The following KCNIP4 variants were observed in gnomAD, a reference collection of about 807,000 sequenced individuals.
The protein encoded by KCNIP4 is potassium voltage-gated channel interacting protein 4.
Under a neutral mutation model 34.0 loss-of-function variants are expected in KCNIP4, and 12 were observed. That is an observed-to-expected ratio of 0.35 (90% CI 0.23 to 0.57). The LOEUF (loss-of-function observed/expected upper bound fraction) is 0.57, where lower values mean the gene tolerates loss of function less well. KCNIP4 is among the 20% of genes least tolerant of loss of function. The pLI is 0.83. For synonymous variants in KCNIP4, 124 were observed against 102.2 expected, an observed-to-expected ratio of 1.21 and a Z score of -1.29; for missense variants, 238 against 311.7, an observed-to-expected ratio of 0.76 and a Z score of 1.78.
In KCNIP4 at chr4:20,862,565, A is replaced by G. The variant is rs78005197; in HGVS notation, c.164-11898T>C. ...ATGTGGAGAGAGATGAAGAAAGCCCAGATTAGTTCACTAAATTAAAAATGC... is the reference window on the plus strand; with the variant it reads ...ATGTGGAGAGAGATGAAGAAAGCCCGGATTAGTTCACTAAATTAAAAATGC... On this transcript the variant is annotated intron_variant, in intron 2 of 8. Transcript: ENST00000382152. 7.0e-3 allele frequency among the ~76,000 whole-genome samples: 1,061 copies of G among 152,292 alleles called. 13 individuals carry two copies. Among genetic ancestry groups the G allele is most frequent in the East Asian group, 0.062 (318 of 5,168 alleles).
intron 1 of KCNIP4, among the ~76,000 whole-genome samples, chr4:21,442,692 C>T (rs942615627): frequency 5.3e-5 from 8 of 152,078 alleles, no homozygotes; most frequent in African/African-American, 1.2e-4. Context: ...TACTTTTCTC[C>T]GCCTCTCAAC....
Position 21,589,265 on chromosome 4 carries a change from G to GTATAGATACATATATGTATCT in KCNIP4, c.61+359305_61+359306insAGATACATATATGTATCTATA, listed in dbSNP as rs1560540556. Among the ~76,000 whole-genome samples the GTATAGATACATATATGTATCT allele has an allele frequency of 1.7e-3, 191 of 113,410 alleles. 2 individuals are homozygous for GTATAGATACATATATGTATCT. Among genetic ancestry groups the GTATAGATACATATATGTATCT allele is most frequent in the African/African-American group, 7.1e-3 (180 of 25,490 alleles). The allele number at this position is 113,410 out of a possible 152,430, so 74.4% of individuals were successfully genotyped here. A position where few individuals can be genotyped will look rare whatever the true frequency, so the allele number is the denominator to read the frequency against. On this transcript the variant is annotated intron_variant, in intron 1 of 8. Transcript: ENST00000382152. ...ATATATACATATATGTATCTATACA[G>GTATAGATACATATATGTATCT]ATACATATATGTATAGATACATATA...
rs1466199128 is a variant in KCNIP4, at chr4:21,192,919, C to CAAA, written c.62-310211_62-310210insTTT. 2.0e-3 allele frequency among the ~76,000 whole-genome samples: 287 copies of CAAA among 143,582 alleles called. 4 individuals are homozygous for CAAA. Among genetic ancestry groups the CAAA allele is most frequent in the African/African-American group, 3.6e-3 (138 of 38,806 alleles). The allele number at this position is 143,582 out of a possible 152,430, so 94.2% of individuals were successfully genotyped here. A position where few individuals can be genotyped will look rare whatever the true frequency, so the allele number is the denominator to read the frequency against. On this transcript the variant is annotated intron_variant, in intron 1 of 8. Coordinates refer to ENST00000382152, the MANE Select transcript of KCNIP4 (RefSeq NM_025221.6). ...CCCCAGCCCTGCCGCCCCGTCTCTA[C>CAAA]TACTACTACTACTACTACTACTACT...
intron 3 of KCNIP4, among the ~76,000 whole-genome samples, chr4:20,803,470 C>CAAAAAAAAAAAAAAAAAAAA (rs551176038): frequency 2.3e-5 from 2 of 85,902 alleles, no homozygotes; most frequent in African/African-American, 5.2e-5. Context: ...TCATCTTTAC[C>CAAAAAAAAAAAAAAAAAAAA]AAAAAAAAAA....
chr4:21,599,281 T>C (rs1044638532), intron 1 of KCNIP4, among the ~76,000 whole-genome samples: 1 of 152,082 alleles, frequency 6.6e-6, no homozygotes, highest in Admixed American at 6.6e-5. Flanking sequence ...TTGATTCTGG[T>C]TACTTCCCTG....
chr4:21,010,468 C>T (rs1199933780), intron 1 of KCNIP4, among the ~76,000 whole-genome samples: 1 of 152,126 alleles, frequency 6.6e-6, no homozygotes, highest in Non-Finnish European at 1.5e-5. Context: ...TGCCTGCAGA[C>T]TTTGTGGCGT....
rs33926876 is a variant in KCNIP4, at chr4:21,025,473, T to TGAGAGAGAGAGA, written c.62-142776_62-142765dup. On this transcript the variant is annotated intron_variant, in intron 1 of 8. Coordinates refer to ENST00000382152, the MANE Select transcript of KCNIP4 (RefSeq NM_025221.6). ...TTATGGTGCATGTAGTGAAAACAACTGAGAGAGAGAGAGAGAGAGAGAGAG... is the reference window on the plus strand; with the variant it reads ...TTATGGTGCATGTAGTGAAAACAACTGAGAGAGAGAGAGAGAGAGAGAGAGAGAGAGAGAGAG... 8.3e-4 allele frequency among the ~76,000 whole-genome samples: 79 copies of TGAGAGAGAGAGA among 95,120 alleles called. No individual in the cohort carries two copies. In the South Asian group the frequency reaches 0.016, roughly 19 times the overall value. The allele number at this position is 95,120 out of a possible 152,430, so 62.4% of individuals were successfully genotyped here.
At chr4:21,886,691 A>T (rs1035424791) in intron 1 of KCNIP4, among the ~76,000 whole-genome samples, 1 of 152,148 alleles carries the variant, frequency 6.6e-6, no homozygotes, top group African/African-American at 2.4e-5. Context: ...GACATTTAAT[A>T]ACTTTAAATA....
chr4:21,707,398 A>G (rs188854998), intron 1 of KCNIP4, among the ~76,000 whole-genome samples: 1 of 152,242 alleles, frequency 6.6e-6, no homozygotes, highest in African/African-American at 2.4e-5. Flanking sequence ...TTTCTAGAAG[A>G]TGAGATTGAA....
At chr4:20,827,663 T>C (rs963508342) in intron 3 of KCNIP4, among the ~76,000 whole-genome samples, 14 of 152,104 alleles carry the variant, frequency 9.2e-5, no homozygotes, top group Admixed American at 7.2e-4. Context: ...GGAGATTCAT[T>C]GGTCAGTATT....
chr4:21,677,195 A>T (rs1352446586), intron 1 of KCNIP4, among the ~76,000 whole-genome samples: 1 of 152,210 alleles, frequency 6.6e-6, no homozygotes, highest in Non-Finnish European at 1.5e-5. Context: ...GATTACTGAC[A>T]GTCTTCTTTT....
In KCNIP4 at chr4:21,793,502, C is replaced by G. The variant is rs553622820; in HGVS notation, c.61+155069G>C. ...TGAACTCCTGACCTCAAGTGATCCA[C>G]CCACCTCGACCTCCCAGATTTCTGG... On this transcript the variant is annotated intron_variant, in intron 1 of 8. Coordinates refer to ENST00000382152, the MANE Select transcript of KCNIP4 (RefSeq NM_025221.6). Among the ~76,000 whole-genome samples, 30 of 152,246 alleles carry G rather than the reference C, an allele frequency of 2.0e-4. No individual in the cohort carries two copies. In the South Asian group the frequency reaches 5.8e-3, roughly 30 times the overall value.
chr4:21,002,733 C>G (rs1309823714), intron 1 of KCNIP4, among the ~76,000 whole-genome samples: 1 of 152,068 alleles, frequency 6.6e-6, no homozygotes, highest in Non-Finnish European at 1.5e-5. Context: ...GATGCAAGCT[C>G]AAGTTTGGGA....
chr4:21,258,549 C>G (rs1761233392), intron 1 of KCNIP4, among the ~76,000 whole-genome samples: 1 of 152,122 alleles, frequency 6.6e-6, no homozygotes, highest in Non-Finnish European at 1.5e-5. Flanking sequence ...TTTCTTATAT[C>G]TTTAAGACAA....
intron 4 of KCNIP4, among the ~76,000 whole-genome samples, chr4:20,758,040 G>T (rs898335522): frequency 1.3e-5 from 2 of 152,170 alleles, no homozygotes; most frequent in Non-Finnish European, 2.9e-5. Context: ...TTTGGGCAGA[G>T]ATTACATCCT....
chr4:21,078,312 A>C (rs988139531), intron 1 of KCNIP4, among the ~76,000 whole-genome samples: 3 of 152,052 alleles, frequency 2.0e-5, no homozygotes, highest in Non-Finnish European at 4.4e-5. Flanking sequence ...TGCTATAACA[A>C]ACATTATGCT....
intron 1 of KCNIP4, among the ~76,000 whole-genome samples, chr4:21,365,823 T>C (rs1007971681): frequency 1.3e-5 from 2 of 152,200 alleles, no homozygotes; most frequent in African/African-American, 2.4e-5. Context: ...ATGTTCATAT[T>C]CCAGTTTTAA....
At chr4:21,896,823 G>A (rs185058586) in intron 1 of KCNIP4, among the ~76,000 whole-genome samples, 2 of 152,114 alleles carry the variant, frequency 1.3e-5, no homozygotes, top group Non-Finnish European at 2.9e-5. Flanking sequence ...GGAGGCTGAG[G>A]CAGGAAAATT....
At chr4:21,125,959 G>A (rs1750580794) in intron 1 of KCNIP4, among the ~76,000 whole-genome samples, 2 of 151,992 alleles carry the variant, frequency 1.3e-5, no homozygotes, top group African/African-American at 2.4e-5. Context: ...TTACTATATG[G>A]TTAAAGCCTT....
Sources: allele counts gnomAD v4.1 joint callset (sites outside exome capture counted in the v4.1 genomes callset), GRCh38; gene constraint gnomAD v4.1.1; transcripts MANE v1.5; gene names NCBI Gene and HGNC (gene_info 2026-07-23, HGNC 2026-07-21).